Variants in TBC1D22B observed in about 807,000 individuals in gnomAD.
TBC1D22B encodes TBC1 domain family member 22B, also known as chromosome 6 open reading frame 197.
TBC1D22B carries 32 observed loss-of-function variants against 69.1 expected under a neutral mutation model. That is an observed-to-expected ratio of 0.46 (90% CI 0.35 to 0.62). The LOEUF (loss-of-function observed/expected upper bound fraction) is 0.62. Ranked by LOEUF, TBC1D22B falls within the 20% of genes least tolerant of loss-of-function variation. The pLI, the probability that TBC1D22B is intolerant of heterozygous loss-of-function variation, is 0.00. For synonymous variants in TBC1D22B, 206 were observed against 229.8 expected (o/e 0.90, Z 0.94); for missense variants, 462 against 630.9 (o/e 0.73, Z 2.87).
rs1044452338 is a variant in TBC1D22B, at chr6:37,284,452, T to C, written c.789T>C (p.Asp263=). The C allele has an allele frequency of 1.9e-6, 3 of 1,592,160 alleles. No individual in the cohort carries two copies. The African/African-American group carries it at 4.0e-5, about 21-fold the overall frequency. The change falls in exon 6 of 13, where the codon GAT becomes GAC. Residue 263 remains aspartate (D), a synonymous_variant. Transcript: ENST00000373491. ...CTCGAAACGAGGAACATCACCAGGA[T>C]ACCTACAGACAGGTACAGTCACCAC... The part of the protein sequence containing the change: ...YDSRNEEHHQ[D]TYRQIHIDIP...
chr6:37,322,003 G>A (rs1171080133), intron 12 of TBC1D22B, among the ~76,000 whole-genome samples: 1 of 152,172 alleles, frequency 6.6e-6, no homozygotes, highest in Non-Finnish European at 1.5e-5. Context: ...ATGTAAGAGC[G>A]CTCGAACCTA....
intron 1 of TBC1D22B, among the ~76,000 whole-genome samples, chr6:37,261,804 A>G (rs1766106825): frequency 6.6e-6 from 1 of 151,370 alleles, no homozygotes; most frequent in African/African-American, 2.4e-5. Flanking sequence ...GGAGGCTGAG[A>G]CAGGTGGATC....
intron 8 of TBC1D22B, among the ~76,000 whole-genome samples, chr6:37,298,367 T>C (rs195756): frequency 0.84 from 127,172 of 151,952 alleles, 53,521 homozygotes; most frequent in South Asian, 0.91. Flanking sequence ...AATCAAGCTA[T>C]TCATACTTTT....
chr6:37,285,576 T>A (rs548162563), intron 6 of TBC1D22B, among the ~76,000 whole-genome samples: 26 of 152,220 alleles, frequency 1.7e-4, no homozygotes, highest in Admixed American at 4.6e-4. Flanking sequence ...TGCTCCAGCC[T>A]TTGTCCGCTG....
At chr6:37,269,434 A>C (rs558940904) in intron 1 of TBC1D22B, among the ~76,000 whole-genome samples, 160 bp from the exon 2 acceptor site, 1 of 152,312 alleles carries the variant, frequency 6.6e-6, no homozygotes, top group Non-Finnish European at 1.5e-5. Flanking sequence ...TATTTTTTTA[A>C]CGGGTAGATT....
chr6:37,315,533 G>A (rs764513664), intron 10 of TBC1D22B, among the ~76,000 whole-genome samples: 7 of 152,040 alleles, frequency 4.6e-5, no homozygotes, highest in Non-Finnish European at 8.8e-5. Context: ...TTCCAGCCAG[G>A]GTGATAAGGT....
intron 12 of TBC1D22B, among the ~76,000 whole-genome samples, chr6:37,328,507 A>C (rs1434782996): frequency 6.6e-6 from 1 of 152,264 alleles, no homozygotes; most frequent in Non-Finnish European, 1.5e-5. Context: ...TACATCTTAC[A>C]TCATGGAAAA....
chr6:37,283,645 C>T (rs1423596461), intron 5 of TBC1D22B, among the ~76,000 whole-genome samples: 1 of 152,208 alleles, frequency 6.6e-6, no homozygotes, highest in African/African-American at 2.4e-5. Context: ...GCAATCATTG[C>T]CTCTGCCACT....
At chr6:37,326,376 C>CAAAAAAAA in intron 12 of TBC1D22B, among the ~76,000 whole-genome samples, 1 of 115,890 alleles carries the variant, frequency 8.6e-6, no homozygotes, top group Non-Finnish European at 1.8e-5. Flanking sequence ...GACTGCGCCT[C>CAAAAAAAA]AAAAAAAAAA....
chr6:37,270,850 G>T (rs1400601493), intron 2 of TBC1D22B, among the ~76,000 whole-genome samples: 1 of 152,150 alleles, frequency 6.6e-6, no homozygotes, highest in Non-Finnish European at 1.5e-5. Context: ...CAATAGGGAA[G>T]TAAAGATAAT....
chr6:37,317,724 C>T (rs577559568), intron 12 of TBC1D22B, among the ~76,000 whole-genome samples: 4 of 152,108 alleles, frequency 2.6e-5, no homozygotes, highest in East Asian at 1.9e-4. Context: ...GTTGCAATTT[C>T]GAATAAAGTA....
rs67809303 is a variant in TBC1D22B at position 37,267,307 on chromosome 6, C to CATAT, written c.57-2273_57-2270dup. ...TGCTTGCTTTTGAGGGGAGGACATA[C>CATAT]ATATATATATATATATACACACACA... On this transcript the variant is annotated intron_variant, in intron 1 of 12. Transcript: ENST00000373491. 2.9e-5 allele frequency among the ~76,000 whole-genome samples: 4 copies of CATAT among 138,832 alleles called. No individual in the cohort carries two copies. The East Asian group carries it at 8.0e-4, about 28-fold the overall frequency. The allele number at this position is 138,832 out of a possible 152,430, so 91.1% of individuals were successfully genotyped here. A position where few individuals can be genotyped will look rare whatever the true frequency, so the allele number is the denominator to read the frequency against.
At chr6:37,300,225 A>G (rs1411598163) in intron 8 of TBC1D22B, among the ~76,000 whole-genome samples, 2 of 151,918 alleles carry the variant, frequency 1.3e-5, no homozygotes, top group Non-Finnish European at 2.9e-5. Flanking sequence ...ATCTCTCTTC[A>G]TAATATTACG....
chr6:37,279,306 T>A lies in TBC1D22B; in HGVS notation c.116T>A (p.Phe39Tyr), dbSNP rs1260016472. ...TAATCGTGTCTCCTTTCTTGAAGTT[T>A]CATTAAAGAACGATCAAAAGTCAAC... ...PPLDPRLTKN[F>Y]IKERSKVNTV... The change falls in exon 3 of 13, where the codon TTC (phenylalanine) becomes TAC (tyrosine). Residue 39 changes from phenylalanine to tyrosine, a missense_variant and splice_region_variant. Transcript: ENST00000373491. 1 of 1,590,594 alleles carries A rather than the reference T, an allele frequency of 6.3e-7. No homozygotes were observed. Among genetic ancestry groups the A allele is most frequent in the Admixed American group, 1.8e-5 (1 of 56,088 alleles).
chr6:37,313,202 A>G (rs1198952337), intron 9 of TBC1D22B, among the ~76,000 whole-genome samples, 178 bp downstream of exon 9: 1 of 152,090 alleles, frequency 6.6e-6, no homozygotes, highest in Non-Finnish European at 1.5e-5. Flanking sequence ...TCAAACAGCA[A>G]TGGTGGGTCG....
chr6:37,330,719 TTTAAGA>T (rs1434862894), intron 12 of TBC1D22B, among the ~76,000 whole-genome samples: 10 of 152,342 alleles, frequency 6.6e-5, no homozygotes, highest in Admixed American at 2.6e-4. Context: ...AAATGAATAC[TTTAAGA>T]TTAAGAGAGG....
intron 2 of TBC1D22B, among the ~76,000 whole-genome samples, chr6:37,277,443 G>A (rs916330607): frequency 6.6e-6 from 1 of 151,834 alleles, no homozygotes; most frequent in African/African-American, 2.4e-5. Context: ...CTTTGATTTG[G>A]GTACTTGTCT....
chr6:37,283,507 G>T (rs977683265), intron 5 of TBC1D22B, among the ~76,000 whole-genome samples: 5 of 152,182 alleles, frequency 3.3e-5, no homozygotes, highest in African/African-American at 1.2e-4. Flanking sequence ...GCTTTGAGCA[G>T]ATGCAAAAAT....
At chr6:37,282,476 G>T (rs1262263744) in intron 4 of TBC1D22B, 112 bp downstream of exon 4, 1 of 1,266,548 alleles carries the variant, frequency 7.9e-7, no homozygotes, top group Non-Finnish European at 1.1e-6. Context: ...AGCTTCTCCT[G>T]ACCTGGTGCC....
Sources: allele counts gnomAD v4.1 joint callset (sites outside exome capture counted in the v4.1 genomes callset), GRCh38; gene constraint gnomAD v4.1.1; transcripts MANE v1.5; gene names NCBI Gene and HGNC (gene_info 2026-07-23, HGNC 2026-07-21).